The following NDST4 variants were observed in gnomAD, a reference collection of about 807,000 sequenced individuals.
The protein encoded by NDST4 is N-deacetylase and N-sulfotransferase 4, also known as N-heparan sulfate sulfotransferase 4.
In NDST4, 63 loss-of-function variants were observed where a neutral mutation model predicts 100.8. That is an observed-to-expected ratio of 0.62 (90% confidence interval 0.51 to 0.77). The LOEUF (loss-of-function observed/expected upper bound fraction) is 0.77, where lower values mean the gene tolerates loss of function less well. Ranked by LOEUF, NDST4 falls within the 30% of genes least tolerant of loss-of-function variation. NDST4 has a pLI of 0.00. For synonymous variants in NDST4, 377 were observed against 361.8 expected (o/e 1.04, Z -0.48); for missense variants, 943 against 1,018.4 (o/e 0.93, Z 1.01).
chr4:115,074,483 T>C (rs1475175608), intron 2 of NDST4, among the ~76,000 whole-genome samples: 1 of 152,006 alleles, frequency 6.6e-6, no homozygotes, highest in East Asian at 1.9e-4. Context: ...CTGTCATTTA[T>C]ACTAATTAAA....
rs1727862811 is a variant in NDST4, at chr4:115,022,391, T to TATATGTGTTCCATATATATGTGTTCC, written c.979-45118_979-45117insGGAACACATATATATGGAACACATAT. 3.3e-5 allele frequency among the ~76,000 whole-genome samples: 4 copies of TATATGTGTTCCATATATATGTGTTCC among 120,358 alleles called. 1 individual carries two copies. The highest frequency in any genetic ancestry group is 7.5e-5 in the African/African-American group (2 of 26,666). 79.0% of individuals were successfully genotyped at this position (120,358 alleles called of 152,430 possible). A position where few individuals can be genotyped will look rare whatever the true frequency, so the allele number is the denominator to read the frequency against. On this transcript the variant is annotated intron_variant, in intron 2 of 13. Coordinates refer to ENST00000264363, the MANE Select transcript of NDST4 (RefSeq NM_022569.3). Reference sequence around the variant, plus strand: ...GTGTTCCATGTACATATGTGTTCCATATATATGTGTTCCATATATATGTGT... The same window carrying TATATGTGTTCCATATATATGTGTTCC: ...GTGTTCCATGTACATATGTGTTCCATATATGTGTTCCATATATATGTGTTCCATATATGTGTTCCATATATATGTGT...
rs1017175142 is a variant in NDST4, at chr4:115,035,070, C to T, written c.978+40989G>A. On this transcript the variant is annotated intron_variant, in intron 2 of 13. Coordinates refer to ENST00000264363, the MANE Select transcript of NDST4 (RefSeq NM_022569.3). ...CTGTTCCTTAGTGTACCCAAACTAA[C>T]ACAATTTTTCCAAAATCTTTATATT... Among the ~76,000 whole-genome samples, 7 of 152,200 alleles carry T rather than the reference C, an allele frequency of 4.6e-5. No individual in the cohort carries two copies. In the East Asian group the frequency reaches 7.7e-4, roughly 17 times the overall value.
At chr4:115,039,239 T>C (rs984210400) in intron 2 of NDST4, among the ~76,000 whole-genome samples, 2 of 152,054 alleles carry the variant, frequency 1.3e-5, no homozygotes, top group African/African-American at 4.8e-5. Context: ...ACACCAAGAA[T>C]AGAACACAAA....
At chr4:115,022,356 ACG>A (rs374487162) in intron 2 of NDST4, among the ~76,000 whole-genome samples, 1,025 of 88,750 alleles carry the variant, frequency 0.012, 17 homozygotes, top group Middle Eastern at 0.021. Flanking sequence ...TATGTGTTCC[ACG>A]TACATATGTG....
intron 2 of NDST4, among the ~76,000 whole-genome samples, chr4:115,006,290 A>G (rs749337804): frequency 2.6e-5 from 4 of 152,036 alleles, no homozygotes; most frequent in Non-Finnish European, 4.4e-5. Context: ...TTCATCCTCA[A>G]AGTAATAGGG....
At position 114,846,699 on chromosome 4, in the gene NDST4, G is replaced by T. The variant is rs376940026; in HGVS notation, c.1941-702C>A. Among the ~76,000 whole-genome samples, 3 of 152,210 alleles carry T rather than the reference G, an allele frequency of 2.0e-5. No homozygotes were observed. The South Asian group carries it at 6.2e-4, about 32-fold the overall frequency. On this transcript the variant is annotated intron_variant, in intron 9 of 13. Transcript: ENST00000264363. ...ATTCAGTGCAAGTCTTTAATTATGTGTGTAACCCTCCTTACAGCTCATCAC... is the reference window on the plus strand; with the variant it reads ...ATTCAGTGCAAGTCTTTAATTATGTTTGTAACCCTCCTTACAGCTCATCAC...
intron 2 of NDST4, among the ~76,000 whole-genome samples, chr4:114,986,824 A>T (rs1031341917): frequency 2.6e-4 from 29 of 110,976 alleles, no homozygotes; most frequent in African/African-American, 8.0e-4. Context: ...ATATATATAT[A>T]TATATATATT....
intron 6 of NDST4, among the ~76,000 whole-genome samples, chr4:114,928,377 G>A (rs1435480718): frequency 1.3e-5 from 2 of 152,134 alleles, no homozygotes; most frequent in African/African-American, 4.8e-5. Context: ...CATTAGTGAG[G>A]TAAATATTAA....
intron 6 of NDST4, among the ~76,000 whole-genome samples, chr4:114,871,859 T>A (rs925198050): frequency 2.0e-4 from 31 of 152,032 alleles, no homozygotes; most frequent in African/African-American, 7.5e-4. Context: ...TGTAAATGTT[T>A]TATAACAACC....
intron 7 of NDST4, among the ~76,000 whole-genome samples, chr4:114,861,672 G>A (rs1412421981): frequency 6.6e-6 from 1 of 151,990 alleles, no homozygotes; most frequent in Non-Finnish European, 1.5e-5. Context: ...AAATAGCTTG[G>A]AGTATCTTTA....
chr4:114,930,826 A>G (rs1206528692), intron 6 of NDST4, among the ~76,000 whole-genome samples: 1 of 152,134 alleles, frequency 6.6e-6, no homozygotes, highest in East Asian at 1.9e-4. Context: ...GGATTCCCAC[A>G]CTGCTATACC....
At chr4:114,914,148 G>C (rs1410017620) in intron 6 of NDST4, among the ~76,000 whole-genome samples, 2 of 152,012 alleles carry the variant, frequency 1.3e-5, no homozygotes, top group African/African-American at 4.8e-5. Context: ...TGAATTCATG[G>C]AGATAGAGAG....
chr4:114,856,351 G>A (rs1344646195), intron 7 of NDST4, among the ~76,000 whole-genome samples: 1 of 152,074 alleles, frequency 6.6e-6, no homozygotes, highest in Non-Finnish European at 1.5e-5. Flanking sequence ...ATGAGCCACT[G>A]TGCCTGGCCA....
At position 114,870,874 on chromosome 4, in the gene NDST4, T is replaced by G; in HGVS notation, c.1613A>C (p.Asn538Thr). ...LGLYTFVNLV[N>T]FVQSWTNLKL... ...CAGGTTGGTCCAGCTCTGCACAAAG[T>G]TGACCAAGTTCACAAAGGTATATAA... The change falls in exon 7 of 14, where the codon AAC (asparagine) becomes ACC (threonine). Residue 538 changes from asparagine to threonine, a missense_variant. Around this residue, in one of 2 missense-constraint regions of NDST4, gnomAD observed 526 missense variants for 634.1 expected, o/e 0.83. Coordinates refer to ENST00000264363, the MANE Select transcript of NDST4 (RefSeq NM_022569.3). 1 of 1,613,314 alleles carries G rather than the reference T, an allele frequency of 6.2e-7. No individual in the cohort carries two copies. Among genetic ancestry groups the G allele is most frequent in the Non-Finnish European group, 8.5e-7 (1 of 1,179,502 alleles).
intron 6 of NDST4, among the ~76,000 whole-genome samples, chr4:114,903,038 A>G (rs940315027): frequency 6.6e-6 from 1 of 152,074 alleles, no homozygotes; most frequent in Non-Finnish European, 1.5e-5. Flanking sequence ...CAGTTGTCTA[A>G]AACTATTGTT....
At chr4:114,981,719 T>G (rs4306976) in intron 2 of NDST4, among the ~76,000 whole-genome samples, 1 of 152,196 alleles carries the variant, frequency 6.6e-6, no homozygotes, top group Non-Finnish European at 1.5e-5. Flanking sequence ...AATTTCAAGG[T>G]GTTATGCATA....
chr4:115,061,814 A>G (rs556256780), intron 2 of NDST4, among the ~76,000 whole-genome samples: 41 of 152,220 alleles, frequency 2.7e-4, no homozygotes, highest in African/African-American at 9.4e-4. Flanking sequence ...ACAGTGTTCA[A>G]AATTGCAGGC....
At chr4:115,050,873 A>G (rs1049404014) in intron 2 of NDST4, among the ~76,000 whole-genome samples, 13 of 152,142 alleles carry the variant, frequency 8.5e-5, no homozygotes, top group African/African-American at 2.9e-4. Flanking sequence ...GATGAAATAC[A>G]ATCTTCTTCA....
chr4:115,004,041 C>T (rs894770650), intron 2 of NDST4, among the ~76,000 whole-genome samples: 1 of 152,086 alleles, frequency 6.6e-6, no homozygotes, highest in Admixed American at 6.6e-5. Context: ...CAAGACTCTG[C>T]TCTTTCTTTA....
Sources: gnomAD v4.1 joint callset for allele counts (sites outside exome capture counted in the v4.1 genomes callset) on GRCh38, gnomAD v4.1.1 for gene constraint, gnomAD v4.1.1 regional missense constraint, MANE v1.5 for transcripts, NCBI Gene and HGNC (gene_info 2026-07-23, HGNC 2026-07-21) for gene names.